SHLD1: variants seen among roughly 807,000 people sequenced by gnomAD.
SHLD1 encodes the protein shieldin complex subunit 1, also known as RINN1-REV7-interacting novel NHEJ regulator 3.
SHLD1 carries 3 observed loss-of-function variants against 5.5 expected under a neutral mutation model. The observed-to-expected ratio is 0.54, with a 90% CI of 0.25 to 1.40. The LOEUF (loss-of-function observed/expected upper bound fraction) is 1.40, where lower values mean the gene tolerates loss of function less well. Among genes scored for constraint, SHLD1 ranks in the 40% most tolerant of loss-of-function variants. SHLD1 has a pLI of 0.15. For missense variants in SHLD1, 210 were observed against 244.4 expected (o/e 0.86, Z 0.94); for synonymous variants, 92 against 94.3 (o/e 0.98, Z 0.14).
intron 2 of SHLD1, among the ~76,000 whole-genome samples, chr20:5,797,067 A>G (rs1022506822): frequency 3.3e-5 from 5 of 152,204 alleles, no homozygotes; most frequent in African/African-American, 9.6e-5. Context: ...TCTGGATTCT[A>G]TCTTTTGCTC....
rs368626696 is a variant in SHLD1 at position 5,863,220 on chromosome 20, G to T, written c.375G>T (p.Leu125=). The T allele has an allele frequency of 4.3e-5, 69 of 1,614,050 alleles. No individual in the cohort carries two copies. Among genetic ancestry groups the T allele is most frequent in the Non-Finnish European group, 5.0e-5 (59 of 1,180,038 alleles). The change falls in exon 3 of 3, where the codon CTG becomes CTT. Residue 125 remains leucine, a synonymous_variant. Coordinates refer to ENST00000303142, the MANE Select transcript of SHLD1 (RefSeq NM_152504.4). The part of the protein sequence containing the change: ...NSLSASVCKC[L]SQKITQLRGQ... ...TCTCTGCATCTGTCTGCAAGTGCCT[G>T]TCTCAGAAAATCACTCAACTAAGAG...
At chr20:5,799,043 A>C (rs1439951796) in intron 2 of SHLD1, among the ~76,000 whole-genome samples, 1 of 152,118 alleles carries the variant, frequency 6.6e-6, no homozygotes. Context: ...AAAAAAATAC[A>C]AATACAAAAA....
At chr20:5,783,711 C>T (rs1485883443) in intron 2 of SHLD1, among the ~76,000 whole-genome samples, 2 of 152,124 alleles carry the variant, frequency 1.3e-5, no homozygotes, top group Admixed American at 1.3e-4. Context: ...TTACAGTCTC[C>T]GAGCTGGTGG....
rs192366516 is a variant in SHLD1 at position 5,842,205 on chromosome 20, G to C, written c.179-20819G>C. Among the ~76,000 whole-genome samples the C allele has an allele frequency of 1.5e-4, 23 of 152,316 alleles. No individual in the cohort carries two copies. In the East Asian group the frequency reaches 3.9e-3, roughly 26 times the overall value. ...CTGGACTACCTTGGTGAATTAAATA[G>C]ATGTGTCACTAAAGGAATAGAAAAC... On this transcript the variant is annotated intron_variant, in intron 2 of 2. Transcript: ENST00000303142.
chr20:5,796,663 C>CA (rs1193814306), intron 2 of SHLD1, among the ~76,000 whole-genome samples: 4 of 151,492 alleles, frequency 2.6e-5, no homozygotes, highest in Admixed American at 6.6e-5. Context: ...CCCATCTCTA[C>CA]AAAAAAATAC....
At chr20:5,835,524 G>A (rs191792692) in intron 2 of SHLD1, among the ~76,000 whole-genome samples, 5 of 152,250 alleles carry the variant, frequency 3.3e-5, no homozygotes, top group East Asian at 1.9e-4. Context: ...ACTGGGGAAG[G>A]CTTCCTAGGG....
chr20:5,862,214 C>T (rs975938692), intron 2 of SHLD1, among the ~76,000 whole-genome samples: 5 of 152,134 alleles, frequency 3.3e-5, no homozygotes, highest in Non-Finnish European at 5.9e-5. Context: ...ATAGTGATAG[C>T]GTAAAAATTT....
In SHLD1 at chr20:5,844,801, T is replaced by A. The variant is rs866772081; in HGVS notation, c.179-18223T>A. On this transcript the variant is annotated intron_variant, in intron 2 of 2. Coordinates refer to ENST00000303142, the MANE Select transcript of SHLD1 (RefSeq NM_152504.4). ...TATATATATATATATATATATATAT[T>A]TTTTTTTTTTTGAGACACAGTCTCA... Among the ~76,000 whole-genome samples, 218 of 120,958 alleles carry A rather than the reference T, an allele frequency of 1.8e-3. 1 individual carries two copies. The highest frequency in any genetic ancestry group is 4.0e-3 in the Middle Eastern group (1 of 248). The allele number at this position is 120,958 out of a possible 152,430, so 79.4% of individuals were successfully genotyped here. A position where few individuals can be genotyped will look rare whatever the true frequency, so the allele number is the denominator to read the frequency against.
chr20:5,758,413 A>T (rs1452893420), intron 1 of SHLD1, among the ~76,000 whole-genome samples: 3 of 121,630 alleles, frequency 2.5e-5, no homozygotes, highest in Non-Finnish European at 3.8e-5. Context: ...GCCAAGTATT[A>T]TTTTTTTTTA....
intron 2 of SHLD1, among the ~76,000 whole-genome samples, chr20:5,831,005 A>C (rs1228010553): frequency 1.3e-5 from 2 of 152,154 alleles, no homozygotes; most frequent in Non-Finnish European, 2.9e-5. Flanking sequence ...AATTTAATAA[A>C]AAGTAAAAAA....
chr20:5,835,785 C>A lies in SHLD1; in HGVS notation c.179-27239C>A, dbSNP rs552972869. On this transcript the variant is annotated intron_variant, in intron 2 of 2. Coordinates refer to ENST00000303142, the MANE Select transcript of SHLD1 (RefSeq NM_152504.4). ...CTCTCAATAACCATTTGGTATCTAGCTGATAAATGGAAATTCTCTGCAAAA... is the reference window on the plus strand; with the variant it reads ...CTCTCAATAACCATTTGGTATCTAGATGATAAATGGAAATTCTCTGCAAAA... Among the ~76,000 whole-genome samples the A allele has an allele frequency of 5.3e-5, 8 of 152,332 alleles. 1 individual carries two copies. The highest frequency in any genetic ancestry group is 1.7e-4 in the African/African-American group (7 of 41,566).
chr20:5,862,897 TTTCC>T, intron 2 of SHLD1, 123 bp from the exon 3 acceptor site: 2 of 806,746 alleles, frequency 2.5e-6, no homozygotes, highest in Admixed American at 3.0e-5. Flanking sequence ...TCAGCTGATA[TTTCC>T]CATTGCCAGT....
chr20:5,854,606 G>T (rs570257416), intron 2 of SHLD1, among the ~76,000 whole-genome samples: 4 of 152,196 alleles, frequency 2.6e-5, no homozygotes, highest in African/African-American at 9.7e-5. Flanking sequence ...AGGCAGGGAA[G>T]GGAGATAGCG....
rs1301196632 is a variant in SHLD1, at chr20:5,750,487, C to T, written c.-5+8C>T. On this transcript the variant is annotated splice_region_variant and intron_variant, in intron 1 of 2. Transcript: ENST00000303142. ...GAGTGCTTTGGAGGAGAGGTAAGCG[C>T]GGGATGGGATGGGGGGGGGTTGGAG... 1 of 20,752 alleles carries T rather than the reference C, an allele frequency of 4.8e-5. No individual in the cohort carries two copies. The highest frequency in any genetic ancestry group is 8.6e-5 in the Non-Finnish European group (1 of 11,646). 1.3% of individuals were successfully genotyped at this position (20,752 alleles called of 1,614,324 possible).
At chr20:5,759,989 T>TACACACAC (rs74281801) in intron 1 of SHLD1, among the ~76,000 whole-genome samples, 7 of 150,442 alleles carry the variant, frequency 4.7e-5, no homozygotes, top group African/African-American at 7.3e-5. Flanking sequence ...TGTATTTTTA[T>TACACACAC]ACACACACAC....
chr20:5,784,707 C>T (rs2087036513), intron 2 of SHLD1, among the ~76,000 whole-genome samples: 2 of 152,208 alleles, frequency 1.3e-5, no homozygotes, highest in East Asian at 1.9e-4. Context: ...GCCTCAGCCT[C>T]CCAAAGTGCT....
At position 5,806,597 on chromosome 20, in the gene SHLD1, G is replaced by A. The variant is rs1296183663; in HGVS notation, c.178+33554G>A. Among the ~76,000 whole-genome samples the A allele has an allele frequency of 6.6e-6, 1 of 152,202 alleles. No homozygotes were observed. Among genetic ancestry groups the A allele is most frequent in the Non-Finnish European group, 1.5e-5 (1 of 68,034 alleles). ...AAACAATAGAATTTTGATAGAAGTG[G>A]AACAGAGGCCTGCAGTGTTGTCCCA... On this transcript the variant is annotated intron_variant, in intron 2 of 2. Coordinates refer to ENST00000303142, the MANE Select transcript of SHLD1 (RefSeq NM_152504.4). The surrounding 1 kb of genome is among the most constrained non-coding windows in gnomAD (Gnocchi z 7.6).
chr20:5,761,935 T>C (rs1600092569), intron 1 of SHLD1, among the ~76,000 whole-genome samples: 1 of 151,916 alleles, frequency 6.6e-6, no homozygotes, highest in South Asian at 2.1e-4. Context: ...ATAATTCTTA[T>C]GACATCTCTA....
intron 1 of SHLD1, 48 bp from the exon 2 acceptor site, chr20:5,772,814 G>A (rs759093440): frequency 6.7e-7 from 1 of 1,493,674 alleles, no homozygotes; most frequent in South Asian, 1.2e-5. Flanking sequence ...GAAGGATCCT[G>A]CTATGTGGTG....
Sources: gnomAD v4.1 joint callset for allele counts (sites outside exome capture counted in the v4.1 genomes callset) on GRCh38, gnomAD v4.1.1 for gene constraint, Gnocchi (gnomAD v3.1) non-coding constraint, MANE v1.5 for transcripts, NCBI Gene and HGNC (gene_info 2026-07-23, HGNC 2026-07-21) for gene names.